PDE1A: variants seen among roughly 807,000 people sequenced by gnomAD.
PDE1A encodes the protein phosphodiesterase 1A, also known as dual specificity calcium/calmodulin-dependent 3',5'-cyclic nucleotide phosphodiesterase 1A.
A neutral mutation model predicts 61.7 loss-of-function variants in PDE1A; 35 were observed. The ratio of observed to expected loss-of-function variants is 0.57; its 90% CI spans 0.43 to 0.75. The LOEUF (loss-of-function observed/expected upper bound fraction) is 0.75, where lower values mean the gene tolerates loss of function less well. PDE1A is among the 30% of genes least tolerant of loss of function. PDE1A has a pLI of 0.00. For synonymous variants in PDE1A, 232 were observed against 213.2 expected (o/e 1.09, Z -0.77); for missense variants, 597 against 630.6 (o/e 0.95, Z 0.57).
chr2:182,699,338 A>T, the PDE1A span, among the ~76,000 whole-genome samples: 13 of 152,342 alleles, frequency 8.5e-5, no homozygotes, highest in Admixed American at 2.6e-4. Context: ...ACTAAGTGTC[A>T]CATTTTGGTA....
At chr2:182,363,527 G>A (rs1699636726) in intron 1 of PDE1A, among the ~76,000 whole-genome samples, 2 of 151,952 alleles carry the variant, frequency 1.3e-5, no homozygotes, top group African/African-American at 2.4e-5. Flanking sequence ...TGTGAAGGAG[G>A]TAAAAGAATG....
At chr2:182,599,333 T>C in the PDE1A span, among the ~76,000 whole-genome samples, 2 of 152,158 alleles carry the variant, frequency 1.3e-5, no homozygotes, top group Non-Finnish European at 2.9e-5. Context: ...CCTTATACCA[T>C]GGTGGCCTTA....
At chr2:182,429,535 C>A (rs1703817361), upstream of PDE1A, among the ~76,000 whole-genome samples, 1 of 151,992 alleles carries the variant, frequency 6.6e-6, no homozygotes, top group South Asian at 2.1e-4. Context: ...CTTAGTCTAA[C>A]ACGTTCACAC....
At chr2:182,607,872 G>T in the PDE1A span, among the ~76,000 whole-genome samples, 1,377 of 152,214 alleles carry the variant, frequency 9.0e-3, 11 homozygotes, top group South Asian at 0.023. Context: ...GGCACATTGG[G>T]ACTTCAGGCC....
At chr2:182,572,190 T>C in the PDE1A span, among the ~76,000 whole-genome samples, 1 of 152,166 alleles carries the variant, frequency 6.6e-6, no homozygotes, top group South Asian at 2.1e-4. Context: ...CTTAGGAGTG[T>C]GTTTTATGTG....
At chr2:182,331,020 C>T (rs1410205549) in intron 1 of PDE1A, among the ~76,000 whole-genome samples, 2 of 152,174 alleles carry the variant, frequency 1.3e-5, no homozygotes, top group African/African-American at 2.4e-5. Context: ...CCAGAGGTAC[C>T]TTTTTACCTG....
intron 1 of PDE1A, among the ~76,000 whole-genome samples, chr2:182,274,341 C>T (rs1693249761): frequency 6.6e-6 from 1 of 152,008 alleles, no homozygotes; most frequent in Non-Finnish European, 1.5e-5. Context: ...GATTTTTACA[C>T]AAACATGCAT....
At chr2:182,249,971 C>T (rs1306857975) in intron 2 of PDE1A, among the ~76,000 whole-genome samples, 1 of 152,172 alleles carries the variant, frequency 6.6e-6, no homozygotes, top group Non-Finnish European at 1.5e-5. Flanking sequence ...GACTGAGGCA[C>T]AGATGTCTTG....
intron 2 of PDE1A, among the ~76,000 whole-genome samples, chr2:182,489,136 G>A (rs1013287705): frequency 6.6e-6 from 1 of 152,190 alleles, no homozygotes; most frequent in Non-Finnish European, 1.5e-5. Flanking sequence ...AAGGAGGTGA[G>A]AGGGTGCACT....
chr2:182,227,854 T>C (rs1423942075), intron 6 of PDE1A, among the ~76,000 whole-genome samples: 3 of 152,108 alleles, frequency 2.0e-5, no homozygotes, highest in Non-Finnish European at 4.4e-5. Flanking sequence ...TAGTACTAAA[T>C]GTTCTGTAGA....
chr2:182,454,519 T>C (rs1685763302), intron 2 of PDE1A, among the ~76,000 whole-genome samples: 1 of 151,934 alleles, frequency 6.6e-6, no homozygotes, highest in African/African-American at 2.4e-5. Context: ...CTTCAAACTA[T>C]ACAACAAGGC....
chr2:182,186,467 C>A lies in PDE1A; in HGVS notation c.1328+1G>T. The A allele has an allele frequency of 1.2e-6, 2 of 1,610,126 alleles. No individual in the cohort carries two copies. Among genetic ancestry groups the A allele is most frequent in the Non-Finnish European group, 8.5e-7 (1 of 1,179,140 alleles). On this transcript the variant is annotated splice_donor_variant, in intron 12 of 13. Transcript: ENST00000351439. LOFTEE classifies it high-confidence loss of function. ...ATAATGCAAAAAAGAAAATATCATA[C>A]CTGCTTGCCACATAGGAAGAAGTTT... is the stretch of plus-strand genomic sequence containing the variant.
At chr2:182,410,646 C>T (rs937461868) in intron 1 of PDE1A, among the ~76,000 whole-genome samples, 2 of 152,132 alleles carry the variant, frequency 1.3e-5, no homozygotes, top group Non-Finnish European at 2.9e-5. Context: ...TCAAACTCAA[C>T]CTCATCAAGA....
rs150656974 is a variant in PDE1A at position 182,198,921 on chromosome 2, A to G, written c.1125+2518T>C. On this transcript the variant is annotated intron_variant, in intron 10 of 13. Coordinates refer to ENST00000351439, the Ensembl canonical transcript of PDE1A. Reference sequence around the variant, plus strand: ...GTTTGAGAAAATTCTCCATCTCTCAATTGAATTGAATATTGAGAATTGAAA... The same window carrying G: ...GTTTGAGAAAATTCTCCATCTCTCAGTTGAATTGAATATTGAGAATTGAAA... Among the ~76,000 whole-genome samples, 11 of 152,096 alleles carry G rather than the reference A, an allele frequency of 7.2e-5. No individual in the cohort carries two copies. The East Asian group carries it at 1.9e-3, about 27-fold the overall frequency.
chr2:182,269,432 G>A (rs1174663677), intron 1 of PDE1A, among the ~76,000 whole-genome samples: 3 of 151,854 alleles, frequency 2.0e-5, no homozygotes, highest in African/African-American at 7.3e-5. Context: ...AGGTTGTGGT[G>A]AGCCAAGATC....
the PDE1A span, among the ~76,000 whole-genome samples, chr2:182,642,524 G>A: frequency 5.9e-5 from 9 of 152,246 alleles, no homozygotes; most frequent in Middle Eastern, 6.8e-3. Context: ...TGAGGTCAGC[G>A]GGATGCAGCG....
intron 13 of PDE1A, among the ~76,000 whole-genome samples, chr2:182,173,265 T>C (rs1401825005): frequency 6.6e-6 from 1 of 152,098 alleles, no homozygotes; most frequent in Non-Finnish European, 1.5e-5. Flanking sequence ...CAGATGATGC[T>C]GATAGGCTGC....
the PDE1A span, among the ~76,000 whole-genome samples, chr2:182,657,117 C>T: frequency 1.3e-4 from 20 of 151,990 alleles, no homozygotes; most frequent in African/African-American, 4.3e-4. Flanking sequence ...CAGCTACTTG[C>T]GAGGCTGAGG....
intron 13 of PDE1A, among the ~76,000 whole-genome samples, chr2:182,149,178 A>G (rs6761816): frequency 6.6e-6 from 1 of 152,224 alleles, no homozygotes; most frequent in Non-Finnish European, 1.5e-5. Flanking sequence ...AGAAAGAAAT[A>G]GAAGTAATTA....
Sources: allele counts gnomAD v4.1 joint callset (sites outside exome capture counted in the v4.1 genomes callset), GRCh38; gene constraint gnomAD v4.1.1; transcripts MANE v1.5; gene names NCBI Gene and HGNC (gene_info 2026-07-23, HGNC 2026-07-21).